The following LRRC7 variants were observed in gnomAD, a reference collection of about 807,000 sequenced individuals.
LRRC7 encodes the protein leucine rich repeat containing 7.
LRRC7 carries 23 observed loss-of-function variants against 175.7 expected under a neutral mutation model. The observed-to-expected ratio is 0.13, with a 90% CI of 0.09 to 0.19. LRRC7 has a LOEUF of 0.19. Among genes scored for constraint, LRRC7 ranks in the 10% least tolerant of loss-of-function variants. The pLI, the probability that LRRC7 is intolerant of heterozygous loss-of-function variation, is 1.00. For missense variants in LRRC7, 1,354 were observed against 1,904.7 expected (o/e 0.71, Z 5.38); for synonymous variants, 685 against 680.9 (o/e 1.01, Z -0.09).
intron 2 of LRRC7, among the ~76,000 whole-genome samples, chr1:69,692,597 C>A (rs1236780415): frequency 6.6e-6 from 1 of 152,156 alleles, no homozygotes; most frequent in Non-Finnish European, 1.5e-5. Flanking sequence ...CTTGACCCTT[C>A]ATATTCTACT....
At position 69,841,932 on chromosome 1, in the gene LRRC7, C is replaced by A. The variant is rs1000212215; in HGVS notation, c.647+3649C>A. ...AGAGCAGCATGAAGTCAGACAAGGACAAATGATTGAGCTTTCTCAATAGCT... is the reference window on the plus strand; with the variant it reads ...AGAGCAGCATGAAGTCAGACAAGGAAAAATGATTGAGCTTTCTCAATAGCT... On this transcript the variant is annotated intron_variant, in intron 7 of 26. Coordinates refer to ENST00000651989, the MANE Select transcript of LRRC7 (RefSeq NM_001370785.2). 7.4e-4 allele frequency among the ~76,000 whole-genome samples: 112 copies of A among 152,180 alleles called. 1 individual carries two copies. The highest frequency in any genetic ancestry group is 1.0e-4 in the Non-Finnish European group (7 of 67,996).
chr1:69,640,005 T>C (rs949902051), intron 1 of LRRC7, among the ~76,000 whole-genome samples: 5 of 151,808 alleles, frequency 3.3e-5, no homozygotes, highest in Non-Finnish European at 7.4e-5. Flanking sequence ...GTGCAAGATA[T>C]TTACTCCTTG....
At chr1:70,106,427 A>G (rs556765749) in intron 25 of LRRC7, among the ~76,000 whole-genome samples, 1 of 152,312 alleles carries the variant, frequency 6.6e-6, no homozygotes, top group Admixed American at 6.5e-5. Context: ...CACTGGGCAT[A>G]GTGTTTTCAT....
chr1:69,972,120 A>T (rs1023568715), intron 8 of LRRC7, among the ~76,000 whole-genome samples: 1 of 152,228 alleles, frequency 6.6e-6, no homozygotes. Flanking sequence ...ACAAAAATCA[A>T]CTCAAGATGG....
intron 22 of LRRC7, among the ~76,000 whole-genome samples, chr1:70,051,854 G>A (rs1261526640): frequency 6.6e-6 from 1 of 151,914 alleles, no homozygotes; most frequent in Non-Finnish European, 1.5e-5. Context: ...TGCAGGTAAG[G>A]AGGTTCTATC....
chr1:70,119,294 C>T (rs1040907076), intron 26 of LRRC7, among the ~76,000 whole-genome samples: 1 of 152,030 alleles, frequency 6.6e-6, no homozygotes, highest in Non-Finnish European at 1.5e-5. Context: ...TGAACTACTC[C>T]AGCACTTTAT....
intron 1 of LRRC7, among the ~76,000 whole-genome samples, chr1:69,590,711 G>A (rs1646595731): frequency 6.6e-6 from 1 of 152,114 alleles, no homozygotes; most frequent in Admixed American, 6.6e-5. Context: ...CCAGCCATAG[G>A]CTAATTGCAT....
chr1:70,050,789 C>T (rs1464408247), intron 22 of LRRC7, among the ~76,000 whole-genome samples: 1 of 151,962 alleles, frequency 6.6e-6, no homozygotes, highest in Non-Finnish European at 1.5e-5. Flanking sequence ...TTGGTCTGCA[C>T]CACCACAACC....
rs545103614 is a variant in LRRC7, at chr1:70,137,380, G to A, written c.*15493G>A. Among the ~76,000 whole-genome samples the A allele has an allele frequency of 6.6e-6, 1 of 152,216 alleles. No homozygotes were observed. Among genetic ancestry groups the A allele is most frequent in the African/African-American group, 2.4e-5 (1 of 41,538 alleles). On this transcript the variant is annotated 3_prime_UTR_variant, in exon 27 of 27. Transcript: ENST00000651989. ...TTCCACTTAAAGGGATCAATCTGAG[G>A]GAAGAAGAGAAGTTAACCTTTAGTG...
chr1:69,895,021 G>C (rs2101652523), intron 7 of LRRC7, among the ~76,000 whole-genome samples: 1 of 152,352 alleles, frequency 6.6e-6, no homozygotes, highest in East Asian at 1.9e-4. Flanking sequence ...GAGGTCGGGA[G>C]TTCAAGACCA....
At chr1:69,687,579 T>G (rs1661342175) in intron 2 of LRRC7, among the ~76,000 whole-genome samples, 1 of 144,098 alleles carries the variant, frequency 6.9e-6, no homozygotes, top group South Asian at 2.2e-4. Context: ...ATTATTATTT[T>G]TATAGAGAAA....
intron 7 of LRRC7, among the ~76,000 whole-genome samples, chr1:69,870,811 T>A (rs1685455572): frequency 6.6e-6 from 1 of 152,120 alleles, no homozygotes; most frequent in East Asian, 1.9e-4. Context: ...TTGGAAGCCA[T>A]AGATAATTAT....
intron 14 of LRRC7, among the ~76,000 whole-genome samples, chr1:70,017,866 T>C (rs1657102919): frequency 6.6e-6 from 1 of 152,106 alleles, no homozygotes; most frequent in African/African-American, 2.4e-5. Flanking sequence ...GCTAATGTAA[T>C]AGTATATTCC....
chr1:69,825,893 A>G, intron 5 of LRRC7, 67 bp downstream of exon 5: 1 of 953,666 alleles, frequency 1.0e-6, no homozygotes, highest in Non-Finnish European at 1.5e-6. Context: ...ACCTAAATAG[A>G]GGAAATGCAC....
chr1:70,028,410 A>G (rs1658353499), intron 18 of LRRC7, 39 bp downstream of exon 18: 2 of 1,556,072 alleles, frequency 1.3e-6, no homozygotes, highest in African/African-American at 2.8e-5. Context: ...TGTGGTTTGG[A>G]TTTTTTGGAA....
intron 7 of LRRC7, among the ~76,000 whole-genome samples, chr1:69,892,860 A>C (rs1053448540): frequency 1.3e-5 from 2 of 152,178 alleles, no homozygotes; most frequent in African/African-American, 4.8e-5. Context: ...TCCATCTTGT[A>C]TCAACTTGAC....
At chr1:69,821,878 G>C (rs1168001061) in intron 4 of LRRC7, among the ~76,000 whole-genome samples, 1 of 151,896 alleles carries the variant, frequency 6.6e-6, no homozygotes. Flanking sequence ...CTGGGCAACA[G>C]AGCGAGACTC....
At position 70,135,975 on chromosome 1, in the gene LRRC7, G is replaced by A. The variant is rs937141283; in HGVS notation, c.*14088G>A. Among the ~76,000 whole-genome samples the A allele has an allele frequency of 1.3e-5, 2 of 152,054 alleles. No homozygotes were observed. Among genetic ancestry groups the A allele is most frequent in the Admixed American group, 6.6e-5 (1 of 15,262 alleles). On this transcript the variant is annotated 3_prime_UTR_variant, in exon 27 of 27. Transcript: ENST00000651989. ...TATTCTTTATAAAACCATGAATGTT[G>A]CTAGCAAACAGTTCAGGCATTTCTT... is the stretch of plus-strand genomic sequence containing the variant.
At chr1:69,686,090 G>A (rs181026858) in intron 2 of LRRC7, among the ~76,000 whole-genome samples, 1 of 152,110 alleles carries the variant, frequency 6.6e-6, no homozygotes, top group East Asian at 1.9e-4. Flanking sequence ...AGGCCAGAAG[G>A]AAATGACATA....
Sources: allele counts gnomAD v4.1 joint callset (sites outside exome capture counted in the v4.1 genomes callset), GRCh38; gene constraint gnomAD v4.1.1; transcripts MANE v1.5; gene names NCBI Gene and HGNC (gene_info 2026-07-23, HGNC 2026-07-21).